The following STPG2 variants were observed in gnomAD, a reference collection of about 807,000 sequenced individuals.
STPG2 encodes the protein sperm tail PG-rich repeat containing 2.
STPG2 carries 56 observed loss-of-function variants against 54.2 expected under a neutral mutation model. The ratio of observed to expected loss-of-function variants is 1.03; its 90% CI spans 0.83 to 1.29. The LOEUF (loss-of-function observed/expected upper bound fraction) is 1.29. Ranked by LOEUF, STPG2 falls within the 50% of genes most tolerant of loss-of-function variation. The probability of loss-of-function intolerance (pLI) is 0.00; values close to 1 mark genes in which losing one functional copy is unlikely to be tolerated. For synonymous variants in STPG2, 200 were observed against 181.8 expected (o/e 1.10, Z -0.81); for missense variants, 596 against 544.9 (o/e 1.09, Z -0.93).
intron 5 of STPG2, among the ~76,000 whole-genome samples, chr4:98,016,733 CTTT>C (rs1426280888): frequency 2.0e-5 from 3 of 152,114 alleles, no homozygotes; most frequent in African/African-American, 7.2e-5. Context: ...CACAATGGTT[CTTT>C]GTCAGGCTAT....
At chr4:97,995,317 A>AT (rs1479201743) in intron 5 of STPG2, among the ~76,000 whole-genome samples, 1 of 152,086 alleles carries the variant, frequency 6.6e-6, no homozygotes, top group Non-Finnish European at 1.5e-5. Flanking sequence ...TGCAGTGGCA[A>AT]TCACCTCCTT....
At chr4:97,674,742 T>G (rs1169088770) in intron 10 of STPG2, among the ~76,000 whole-genome samples, 1 of 152,172 alleles carries the variant, frequency 6.6e-6, no homozygotes, top group Non-Finnish European at 1.5e-5. Context: ...CCAAAGCAAG[T>G]ATTCATTATT....
intron 10 of STPG2, among the ~76,000 whole-genome samples, chr4:97,712,042 G>T (rs750377832): frequency 3.3e-5 from 5 of 152,020 alleles, no homozygotes; most frequent in Non-Finnish European, 5.9e-5. Context: ...GCCCCAAAAA[G>T]AACATTCATT....
chr4:97,758,614 G>A (rs1725799212), intron 9 of STPG2, among the ~76,000 whole-genome samples: 1 of 152,054 alleles, frequency 6.6e-6, no homozygotes, highest in African/African-American at 2.4e-5. Context: ...ACACATCAGG[G>A]CCTGTCAGGG....
intron 4 of STPG2, among the ~76,000 whole-genome samples, chr4:97,467,973 A>G (rs1729829683): frequency 6.6e-6 from 1 of 151,780 alleles, no homozygotes; most frequent in South Asian, 2.1e-4. Context: ...TCTCTAAGAG[A>G]GTAAGTTGAT....
intron 5 of STPG2, among the ~76,000 whole-genome samples, chr4:98,042,097 A>G (rs1736978603): frequency 6.6e-6 from 1 of 151,846 alleles, no homozygotes; most frequent in African/African-American, 2.4e-5. Context: ...CATTTCCTCT[A>G]GGTTTTCTAA....
intron 5 of STPG2, chr4:98,025,455 G>T: frequency 2.1e-6 from 1 of 475,950 alleles, no homozygotes; most frequent in South Asian, 1.8e-5. Flanking sequence ...AGAAGACGAG[G>T]AAAGGGTAAA....
intron 2 of STPG2, among the ~76,000 whole-genome samples, chr4:98,133,670 A>G (rs1740060559): frequency 6.6e-6 from 1 of 152,072 alleles, no homozygotes; most frequent in Admixed American, 6.6e-5. Flanking sequence ...ATAATTTAAA[A>G]GCCATTACCA....
At chr4:98,103,644 A>AACAAT (rs1553942179) in intron 5 of STPG2, among the ~76,000 whole-genome samples, 1 of 148,980 alleles carries the variant, frequency 6.7e-6, no homozygotes, top group African/African-American at 2.5e-5. Flanking sequence ...TCCATCTCAA[A>AACAAT]AAAATAAAAT....
In STPG2 at chr4:97,803,832, C is replaced by T. The variant is rs576849001; in HGVS notation, c.1204+36941G>A. 1.4e-4 allele frequency among the ~76,000 whole-genome samples: 22 copies of T among 152,274 alleles called. No homozygotes were observed. The South Asian group carries it at 3.1e-3, about 22-fold the overall frequency. On this transcript the variant is annotated intron_variant, in intron 9 of 10. Transcript: ENST00000295268. ...CTGCAATTACAGGCGTGAGCCACCA[C>T]GCCTGGCCAGAACACTGACTTCTTG...
At chr4:97,590,630 G>GACACACAGAC (rs1733117680) in intron 10 of STPG2, among the ~76,000 whole-genome samples, 2 of 90,184 alleles carry the variant, frequency 2.2e-5, no homozygotes, top group African/African-American at 9.9e-5. Context: ...CATACACACA[G>GACACACAGAC]ACACACAGAC....
chr4:98,106,545 CTAAA>C (rs1325987049), intron 4 of STPG2, among the ~76,000 whole-genome samples: 1 of 152,030 alleles, frequency 6.6e-6, no homozygotes, highest in Non-Finnish European at 1.5e-5. Flanking sequence ...GAATCAGAAA[CTAAA>C]TAAGCAGTGA....
intron 7 of STPG2, among the ~76,000 whole-genome samples, chr4:97,965,830 A>G (rs578200487): frequency 6.6e-6 from 1 of 152,350 alleles, no homozygotes; most frequent in South Asian, 2.1e-4. Flanking sequence ...ACATCAACAA[A>G]GAGGACATCT....
downstream of STPG2, among the ~76,000 whole-genome samples, chr4:97,558,230 A>T (rs1175217587): frequency 1.3e-5 from 2 of 152,178 alleles, no homozygotes; most frequent in Non-Finnish European, 2.9e-5. Context: ...CAGTCTGGGA[A>T]ATGTTACTTA....
Position 97,781,632 on chromosome 4 carries a change from AAG to A in STPG2, c.1204+59139_1204+59140del, listed in dbSNP as rs569262740. Reference sequence around the variant, plus strand: ...AAGCCTGGAAAAGACACAACAAAAAAAGAGAATTTTAGACCAATATCCCTGAT... The same window carrying A: ...AAGCCTGGAAAAGACACAACAAAAAAAGAATTTTAGACCAATATCCCTGAT... On this transcript the variant is annotated intron_variant, in intron 9 of 10. Coordinates refer to ENST00000295268, the MANE Select transcript of STPG2 (RefSeq NM_174952.3). Among the ~76,000 whole-genome samples, 640 of 152,282 alleles carry A rather than the reference AAG, an allele frequency of 4.2e-3. 3 individuals are homozygous for A. Among genetic ancestry groups the A allele is most frequent in the South Asian group, 0.024 (115 of 4,820 alleles).
intron 8 of STPG2, among the ~76,000 whole-genome samples, chr4:97,885,608 C>T (rs773804939): frequency 5.1e-4 from 78 of 152,096 alleles, no homozygotes; most frequent in Non-Finnish European, 8.2e-4. Context: ...GAATAACATG[C>T]GTTTGAACTG....
intron 5 of STPG2, among the ~76,000 whole-genome samples, chr4:98,021,006 G>C (rs182024010): frequency 1.3e-4 from 20 of 152,090 alleles, no homozygotes; most frequent in African/African-American, 4.8e-4. Context: ...GGTTTTTTGT[G>C]TCTTTGTTTA....
At chr4:97,515,567 A>G (rs994352715) in intron 4 of STPG2, among the ~76,000 whole-genome samples, 3 of 152,130 alleles carry the variant, frequency 2.0e-5, no homozygotes, top group Non-Finnish European at 4.4e-5. Context: ...TTAAAACAGG[A>G]AGTTAGGATA....
intron 7 of STPG2, among the ~76,000 whole-genome samples, chr4:97,967,092 G>C (rs955099654): frequency 6.7e-6 from 1 of 150,374 alleles, no homozygotes; most frequent in Admixed American, 6.7e-5. Flanking sequence ...AAGACTACCA[G>C]TGTACTGTAT....
Sources: gnomAD v4.1 joint callset for allele counts (sites outside exome capture counted in the v4.1 genomes callset) on GRCh38, gnomAD v4.1.1 for gene constraint, MANE v1.5 for transcripts, NCBI Gene and HGNC (gene_info 2026-07-23, HGNC 2026-07-21) for gene names.